The following PCDH15 variants were observed in gnomAD, a reference collection of about 807,000 sequenced individuals.
PCDH15 encodes protocadherin-15.
A neutral mutation model predicts 178.5 loss-of-function variants in PCDH15; 129 were observed. The ratio of observed to expected loss-of-function variants is 0.72; its 90% CI spans 0.63 to 0.84. The LOEUF (loss-of-function observed/expected upper bound fraction) is 0.84. Ranked by LOEUF, PCDH15 falls within the 40% of genes least tolerant of loss-of-function variation. The pLI, the probability that PCDH15 is intolerant of heterozygous loss-of-function variation, is 0.00. For missense variants in PCDH15, 2,230 were observed against 2,099.9 expected (o/e 1.06, Z -1.21); for synonymous variants, 800 against 732.0 (o/e 1.09, Z -1.50).
At chr10:53,990,616 G>C (rs1255823541) in intron 21 of PCDH15, among the ~76,000 whole-genome samples, 2 of 151,094 alleles carry the variant, frequency 1.3e-5, no homozygotes. Context: ...ATAAAAGAAA[G>C]TTGGTCAAAA....
intron 3 of PCDH15, among the ~76,000 whole-genome samples, chr10:54,499,396 C>T (rs2080428369): frequency 6.6e-6 from 1 of 152,012 alleles, no homozygotes. Context: ...ACAGAATGTA[C>T]TCTAAGATCA....
At chr10:55,085,359 G>T (rs554319357) in intron 2 of PCDH15, among the ~76,000 whole-genome samples, 1 of 151,866 alleles carries the variant, frequency 6.6e-6, no homozygotes, top group Non-Finnish European at 1.5e-5. Context: ...ATAAGAGTTT[G>T]TGGTGGAGAA....
chr10:55,421,114 C>T (rs1324823432), intron 2 of PCDH15, among the ~76,000 whole-genome samples: 1 of 149,066 alleles, frequency 6.7e-6, no homozygotes, highest in African/African-American at 2.6e-5. Flanking sequence ...CTGATCTAAA[C>T]ATATGAAGTC....
chr10:53,875,668 TATTATA>T (rs2080180160), intron 26 of PCDH15, among the ~76,000 whole-genome samples: 1 of 152,110 alleles, frequency 6.6e-6, no homozygotes. Flanking sequence ...CAGAAATGAA[TATTATA>T]ATTATACTTG....
chr10:54,271,971 A>G (rs1229407596), intron 8 of PCDH15, among the ~76,000 whole-genome samples: 1 of 144,406 alleles, frequency 6.9e-6, no homozygotes, highest in Non-Finnish European at 1.5e-5. Context: ...TTACTACTGT[A>G]CCTCCTACCC....
intron 3 of PCDH15, among the ~76,000 whole-genome samples, chr10:54,520,812 C>T (rs1404463763): frequency 1.3e-5 from 2 of 150,372 alleles, no homozygotes; most frequent in African/African-American, 4.9e-5. Context: ...TTGGAACCAA[C>T]CCAAATGTCC....
chr10:53,997,566 C>T (rs1038280393), intron 20 of PCDH15, among the ~76,000 whole-genome samples: 3 of 151,978 alleles, frequency 2.0e-5, no homozygotes, highest in African/African-American at 7.2e-5. Flanking sequence ...AATTTAAAAC[C>T]TTAATGTCAC....
chr10:54,673,092 T>C (rs890258149), intron 1 of PCDH15, among the ~76,000 whole-genome samples: 1 of 152,138 alleles, frequency 6.6e-6, no homozygotes, highest in Non-Finnish European at 1.5e-5. Flanking sequence ...AAAAATTAAA[T>C]TAAAGTTCTG....
chr10:53,953,440 T>G (rs2087289745), intron 23 of PCDH15, among the ~76,000 whole-genome samples: 1 of 152,132 alleles, frequency 6.6e-6, no homozygotes. Flanking sequence ...TCTTATCTAC[T>G]ATAACTCTGG....
At chr10:54,676,791 T>G (rs531332597) in intron 1 of PCDH15, among the ~76,000 whole-genome samples, 1 of 152,334 alleles carries the variant, frequency 6.6e-6, no homozygotes, top group Non-Finnish European at 1.5e-5. Context: ...CATTAATAAG[T>G]ACAAAATCTC....
chr10:54,719,325 GT>G (rs909727895), intron 1 of PCDH15, among the ~76,000 whole-genome samples: 3 of 151,970 alleles, frequency 2.0e-5, no homozygotes, highest in African/African-American at 7.2e-5. Flanking sequence ...TTAACAAAGA[GT>G]TTTTTTAAAA....
chr10:54,965,182 A>G (rs1216469145), intron 2 of PCDH15, among the ~76,000 whole-genome samples: 1 of 152,120 alleles, frequency 6.6e-6, no homozygotes, highest in Non-Finnish European at 1.5e-5. Flanking sequence ...AGTAAGGTAG[A>G]AGGTAAGGTA....
chr10:54,336,081 T>C (rs1941054668), intron 6 of PCDH15, among the ~76,000 whole-genome samples: 1 of 152,162 alleles, frequency 6.6e-6, no homozygotes, highest in East Asian at 1.9e-4. Context: ...CGTAGAGATT[T>C]GTGGAACCTT....
chr10:55,154,687 T>C (rs897518195), intron 2 of PCDH15, among the ~76,000 whole-genome samples: 1 of 152,098 alleles, frequency 6.6e-6, no homozygotes, highest in Middle Eastern at 3.2e-3. Context: ...ATATGCATAG[T>C]GGATAATTGG....
chr10:53,966,202 A>T (rs1201951414), intron 21 of PCDH15, among the ~76,000 whole-genome samples: 1 of 152,164 alleles, frequency 6.6e-6, no homozygotes, highest in Non-Finnish European at 1.5e-5. Flanking sequence ...ATACCACACC[A>T]TCATGAAAGT....
chr10:55,357,138 AG>A (rs1845100374), intron 2 of PCDH15, among the ~76,000 whole-genome samples: 1 of 151,982 alleles, frequency 6.6e-6, no homozygotes, highest in African/African-American at 2.4e-5. Flanking sequence ...CAGTTTAACC[AG>A]AAAAAGATGT....
At chr10:55,468,848 GAAGAATCAT>G (rs1429227976) in intron 2 of PCDH15, among the ~76,000 whole-genome samples, 13 of 152,118 alleles carry the variant, frequency 8.5e-5, no homozygotes, top group Non-Finnish European at 1.5e-4. Flanking sequence ...TAAAGCAAGA[GAAGAATCAT>G]AATACTTATC....
intron 14 of PCDH15, among the ~76,000 whole-genome samples, chr10:54,142,341 G>A (rs2043488537): frequency 6.6e-6 from 1 of 152,100 alleles, no homozygotes; most frequent in Non-Finnish European, 1.5e-5. Context: ...GTTAAATTTT[G>A]AGCATTGATA....
Position 53,810,555 on chromosome 10 carries a change from C to A in PCDH15, c.4671+1G>T, listed in dbSNP as rs370390502. On this transcript the variant is annotated splice_donor_variant, in intron 37 of 37. Transcript: ENST00000644397. LOFTEE classifies it high-confidence loss of function. ...TTACATAATAAAATTACAGTAATTA[C>A]CTCTTCCTCCTCATATTCTTCCTCA... is the stretch of plus-strand genomic sequence containing the variant. The A allele has an allele frequency of 1.2e-6, 2 of 1,610,870 alleles. No homozygotes were observed. Among genetic ancestry groups the A allele is most frequent in the African/African-American group, 2.7e-5 (2 of 74,786 alleles).
Sources: gnomAD v4.1 joint callset for allele counts (sites outside exome capture counted in the v4.1 genomes callset) on GRCh38, gnomAD v4.1.1 for gene constraint, MANE v1.5 for transcripts, NCBI Gene and HGNC (gene_info 2026-07-23, HGNC 2026-07-21) for gene names.